The following FILIP1L variants were observed in gnomAD, a reference collection of about 807,000 sequenced individuals.
FILIP1L encodes the protein filamin A interacting protein 1 like.
In FILIP1L, 55 loss-of-function variants were observed where a neutral mutation model predicts 96.6. The ratio of observed to expected loss-of-function variants is 0.57; its 90% confidence interval spans 0.46 to 0.71. The LOEUF is 0.71. FILIP1L is among the 30% of genes least tolerant of loss of function. FILIP1L has a pLI of 0.00. For synonymous variants in FILIP1L, 467 were observed against 473.9 expected, an observed-to-expected ratio of 0.99 and a Z score of 0.19; for missense variants, 1,304 against 1,321.2, an observed-to-expected ratio of 0.99 and a Z score of 0.20.
At chr3:100,045,283 C>T (rs767424559) in intron 1 of FILIP1L, among the ~76,000 whole-genome samples, 5 of 152,288 alleles carry the variant, frequency 3.3e-5, no homozygotes, top group East Asian at 3.9e-4. Context: ...GTATCTAGCT[C>T]ATAGTAAGCA....
At chr3:99,994,174 A>G (rs1709604633) in intron 1 of FILIP1L, among the ~76,000 whole-genome samples, 1 of 152,140 alleles carries the variant, frequency 6.6e-6, no homozygotes, top group South Asian at 2.1e-4. Flanking sequence ...TCTGTTCAGG[A>G]GTACTATTTC....
At chr3:100,111,602 G>A (rs1440556218) in intron 1 of FILIP1L, among the ~76,000 whole-genome samples, 2 of 152,156 alleles carry the variant, frequency 1.3e-5, no homozygotes, top group Non-Finnish European at 2.9e-5. Flanking sequence ...TGCTCTTTCA[G>A]TGTAGGCTCC....
intron 1 of FILIP1L, among the ~76,000 whole-genome samples, chr3:99,952,239 C>G (rs138528764): frequency 8.6e-4 from 131 of 152,050 alleles, no homozygotes; most frequent in African/African-American, 3.0e-3. Context: ...AGTCTCTGAT[C>G]ACAAAATTTG....
intron 1 of FILIP1L, among the ~76,000 whole-genome samples, chr3:99,952,829 G>C (rs1216268869): frequency 6.6e-6 from 1 of 152,170 alleles, no homozygotes; most frequent in Non-Finnish European, 1.5e-5. Context: ...ATTTGAATTA[G>C]TTAAGGATAA....
At chr3:99,921,532 G>T (rs1299684500) in intron 4 of FILIP1L, among the ~76,000 whole-genome samples, 1 of 152,162 alleles carries the variant, frequency 6.6e-6, no homozygotes, top group Non-Finnish European at 1.5e-5. Flanking sequence ...TTGAGAATAG[G>T]TTTAATATTG....
intron 1 of FILIP1L, among the ~76,000 whole-genome samples, chr3:100,080,230 G>A (rs2065910256): frequency 6.6e-6 from 1 of 151,958 alleles, no homozygotes; most frequent in Admixed American, 6.6e-5. Context: ...CCATCCACCT[G>A]CCTTGGCCTC....
In FILIP1L at chr3:99,849,081, C is replaced by G; in HGVS notation, c.2595G>C (p.Trp865Cys). The G allele has an allele frequency of 6.2e-7, 1 of 1,614,114 alleles. No individual in the cohort carries two copies. Among genetic ancestry groups the G allele is most frequent in the Non-Finnish European group, 8.5e-7 (1 of 1,179,998 alleles). ...GAAGATGGCCCTCCTTGGATTTCAT[C>G]CAGGGAATCCATAGCTTTCTGTTAA... ...CPVNRKLWIP[W>C]MKSKEGHLQN... Residue 865 changes from tryptophan to cysteine, a missense_variant, in exon 5 of 6, where the codon TGG becomes TGC. Transcript: ENST00000477258.
Position 99,924,262 on chromosome 3 carries a change from T to C in FILIP1L, c.573A>G (p.Glu191=), listed in dbSNP as rs371850366. Residue 191 remains glutamate, a synonymous_variant, in exon 4 of 6, where the codon GAA becomes GAG. Coordinates refer to ENST00000477258, the MANE Select transcript of FILIP1L (RefSeq NM_001387850.1). The part of the protein sequence containing the change: ...KHKEYMEKSD[E]FICLLEQECE... ...ATTCCTGTTCTAGTAGGCATATGAATTCATCACTCTTCTCCATGTATTCTT... is the reference window on the plus strand; with the variant it reads ...ATTCCTGTTCTAGTAGGCATATGAACTCATCACTCTTCTCCATGTATTCTT... The C allele has an allele frequency of 9.6e-5, 155 of 1,613,902 alleles. No individual in the cohort carries two copies. The highest frequency in any genetic ancestry group is 1.2e-4 in the Non-Finnish European group (146 of 1,179,988).
intron 4 of FILIP1L, among the ~76,000 whole-genome samples, chr3:99,872,269 CTGTGTGTGTGTGTG>C (rs55727823): frequency 0.021 from 2,321 of 110,816 alleles, 31 homozygotes; most frequent in Non-Finnish European, 0.022. Flanking sequence ...TGTGCCAGGA[CTGTGTGTGTGTGTG>C]TGTGTGTGTG....
chr3:100,105,109 C>T (rs992986338), intron 1 of FILIP1L, among the ~76,000 whole-genome samples: 1 of 152,150 alleles, frequency 6.6e-6, no homozygotes, highest in Non-Finnish European at 1.5e-5. Context: ...AGGGTGTTCA[C>T]AAGTAAGCAT....
intron 1 of FILIP1L, among the ~76,000 whole-genome samples, chr3:100,101,233 A>G (rs2066299574): frequency 6.6e-6 from 1 of 152,174 alleles, no homozygotes; most frequent in Non-Finnish European, 1.5e-5. Context: ...GTAATGTCCT[A>G]CTTTCCTTTA....
intron 4 of FILIP1L, among the ~76,000 whole-genome samples, chr3:99,921,382 G>T (rs1203262247): frequency 6.6e-6 from 1 of 152,126 alleles, no homozygotes; most frequent in Admixed American, 6.5e-5. Context: ...ATAGAAGTCA[G>T]TTATGCCTCA....
In FILIP1L at chr3:99,850,244, G is replaced by A. The variant is rs759537008; in HGVS notation, c.1432C>T (p.Arg478Trp). The change falls in exon 5 of 6, where the codon CGG becomes TGG. Residue 478 changes from arginine to tryptophan, a missense_variant. By Grantham distance (101) the Arg-to-Trp change is moderately radical. Coordinates refer to ENST00000477258, the MANE Select transcript of FILIP1L (RefSeq NM_001387850.1). ...AGAGTGAATTCTGTCTTTTCTAGCC[G>A]ACTTTCAATGGCTTCTAGCTCTTTG... ...RIKELEAIES[R>W]LEKTEFTLKE... 3.3e-5 allele frequency: 54 copies of A among 1,613,580 alleles called. 1 individual carries two copies. The South Asian group carries it at 4.0e-4, about 12-fold the overall frequency.
chr3:99,831,654 A>T (rs1240019272), intron 5 of FILIP1L, among the ~76,000 whole-genome samples: 2 of 152,210 alleles, frequency 1.3e-5, no homozygotes, highest in Non-Finnish European at 2.9e-5. Flanking sequence ...ATGTCCTGTA[A>T]CTTTATCAAG....
chr3:99,983,490 A>G (rs75445637), intron 1 of FILIP1L, among the ~76,000 whole-genome samples: 543 of 24,552 alleles, frequency 0.022, 11 homozygotes, highest in African/African-American at 0.042. Context: ...ATATATATAT[A>G]TATATATATA....
intron 4 of FILIP1L, among the ~76,000 whole-genome samples, chr3:99,880,157 G>T (rs1443529271): frequency 2.0e-5 from 3 of 152,124 alleles, no homozygotes; most frequent in Non-Finnish European, 4.4e-5. Context: ...AGCCAAAGGG[G>T]ATGTCTGTGG....
At chr3:100,095,490 A>G (rs1164694236) in intron 1 of FILIP1L, among the ~76,000 whole-genome samples, 1 of 152,188 alleles carries the variant, frequency 6.6e-6, no homozygotes, top group Non-Finnish European at 1.5e-5. Context: ...CTTAATTTTG[A>G]CAGTCATACC....
intron 1 of FILIP1L, among the ~76,000 whole-genome samples, chr3:99,963,511 T>C (rs925068313): frequency 6.6e-6 from 1 of 152,120 alleles, no homozygotes; most frequent in Non-Finnish European, 1.5e-5. Context: ...ATTAGAAGGA[T>C]AAGAAAGAAT....
chr3:100,098,002 G>A lies in FILIP1L; in HGVS notation c.-11+16051C>T, dbSNP rs142657576. Among the ~76,000 whole-genome samples the A allele has an allele frequency of 4.6e-3, 706 of 152,274 alleles. 2 individuals are homozygous for A. Among genetic ancestry groups the A allele is most frequent in the South Asian group, 7.0e-3 (34 of 4,828 alleles). On this transcript the variant is annotated intron_variant, in intron 1 of 5. Coordinates refer to ENST00000477258, the MANE Select transcript of FILIP1L (RefSeq NM_001387850.1). ...ATAGTGATTTTTAATGTTTAGCTAG[G>A]CATAGTAATGGTACGTGCCACATTG...
Sources: allele counts gnomAD v4.1 joint callset (sites outside exome capture counted in the v4.1 genomes callset), GRCh38; gene constraint gnomAD v4.1.1; transcripts MANE v1.5; gene names NCBI Gene and HGNC (gene_info 2026-07-23, HGNC 2026-07-21).